The following TANC2 variants were observed in gnomAD, a reference collection of about 807,000 sequenced individuals.
TANC2 encodes tetratricopeptide repeat, ankyrin repeat and coiled-coil containing 2, also known as protein TANC2.
TANC2 carries 26 observed loss-of-function variants against 210.5 expected under a neutral mutation model. The observed-to-expected ratio is 0.12, with a 90% CI of 0.09 to 0.17. The LOEUF is 0.17. Among genes scored for constraint, TANC2 ranks in the 10% least tolerant of loss-of-function variants. The pLI is 1.00. For synonymous variants in TANC2, 931 were observed against 967.1 expected, an observed-to-expected ratio of 0.96 and a Z score of 0.69; for missense variants, 2,129 against 2,608.9, an observed-to-expected ratio of 0.82 and a Z score of 4.01.
intron 6 of TANC2, among the ~76,000 whole-genome samples, 158 bp from the exon 7 acceptor site, chr17:63,200,613 C>G (rs768960309): frequency 1.8e-4 from 28 of 151,746 alleles, no homozygotes; most frequent in African/African-American, 7.3e-5. Flanking sequence ...TTTGTAGACC[C>G]CAAAGTCCTT....
intron 5 of TANC2, among the ~76,000 whole-genome samples, chr17:63,187,662 C>T (rs1350911710): frequency 6.6e-6 from 1 of 151,820 alleles, no homozygotes; most frequent in South Asian, 2.1e-4. Flanking sequence ...CCCACAGATA[C>T]AAGAAGTTCA....
At chr17:63,019,346 T>C (rs2034250253) in intron 2 of TANC2, among the ~76,000 whole-genome samples, 1 of 107,340 alleles carries the variant, frequency 9.3e-6, no homozygotes, top group Admixed American at 8.4e-5. Flanking sequence ...GCCGCCTGAG[T>C]ACCTGGGATT....
rs534493340 is a variant in TANC2 at position 63,408,393 on chromosome 17, T to C, written c.3589+2116T>C. 5.3e-5 allele frequency among the ~76,000 whole-genome samples: 8 copies of C among 152,354 alleles called. No individual in the cohort carries two copies. In the East Asian group the frequency reaches 1.5e-3, roughly 29 times the overall value. ...GATTTTGGAAGTATTTAACATATTA[T>C]GGATTTGTTTCATGTGTATCTCCTT... On this transcript the variant is annotated intron_variant, in intron 21 of 27. Coordinates refer to ENST00000689528, the Ensembl canonical transcript of TANC2.
intron 5 of TANC2, among the ~76,000 whole-genome samples, chr17:63,165,536 G>A (rs9895619): frequency 0.6 from 90,987 of 152,044 alleles, 29,719 homozygotes; most frequent in African/African-American, 0.86. Flanking sequence ...CCCATTACCC[G>A]GTCTGTACTG....
intron 12 of TANC2, among the ~76,000 whole-genome samples, chr17:63,342,337 G>A (rs1567933385): frequency 6.6e-6 from 1 of 151,948 alleles, no homozygotes; most frequent in Non-Finnish European, 1.5e-5. Flanking sequence ...TTGAAATTAG[G>A]AACTTTGTAA....
At chr17:63,002,618 C>G (rs1418507210) in intron 1 of TANC2, among the ~76,000 whole-genome samples, 1 of 152,136 alleles carries the variant, frequency 6.6e-6, no homozygotes, top group East Asian at 1.9e-4. Context: ...TTACCATCAT[C>G]CTAGAAAGGT....
At position 63,421,326 on chromosome 17, in the gene TANC2, T is replaced by C; in HGVS notation, c.5596T>C (p.Phe1866Leu). 6.2e-7 allele frequency: 1 copy of C among 1,614,026 alleles called. No individual in the cohort carries two copies. The highest frequency in any genetic ancestry group is 8.5e-7 in the Non-Finnish European group (1 of 1,179,892). The change falls in exon 28 of 28, where the codon TTC becomes CTC. Residue 1866 changes from phenylalanine to leucine, a missense_variant. Physicochemically the swap from Phe to Leu is conservative, Grantham distance 22. Around this residue, in one of 5 missense-constraint regions of TANC2, gnomAD observed 584 missense variants for 627.3 expected, o/e 0.93. Coordinates refer to ENST00000689528, the Ensembl canonical transcript of TANC2. This position sits in a 1 kb window ranked among gnomAD's most constrained non-coding sequence, Gnocchi z 6.9. ...GCATTCCCAAAGTGTAGGCCTTCGC[T>C]TCTCTCCATCTAGCAATAGTATCTC...
chr17:63,151,128 C>A (rs1375950400), intron 4 of TANC2, 142 bp from the exon 5 acceptor site: 1 of 173,694 alleles, frequency 5.8e-6, no homozygotes, highest in East Asian at 1.9e-4. Context: ...CTGTTGCCTG[C>A]TGTTCCCCTT....
At chr17:63,002,347 A>G (rs1191826150) in intron 1 of TANC2, among the ~76,000 whole-genome samples, 2 of 152,196 alleles carry the variant, frequency 1.3e-5, no homozygotes, top group Non-Finnish European at 2.9e-5. Context: ...TACATTTTAA[A>G]TAGTTTTAGT....
At chr17:63,399,111 CTT>C (rs1310144272) in intron 19 of TANC2, 197 bp downstream of exon 19, 5 of 376,208 alleles carry the variant, frequency 1.3e-5, no homozygotes, top group South Asian at 7.7e-5. Context: ...TCTCCATACT[CTT>C]TGCACCAGAG....
chr17:63,221,405 T>C (rs879614943), intron 7 of TANC2, among the ~76,000 whole-genome samples: 37 of 140,236 alleles, frequency 2.6e-4, no homozygotes, highest in Non-Finnish European at 5.1e-4. Context: ...ATCATGCCAC[T>C]GCACTCTAGC....
intron 8 of TANC2, among the ~76,000 whole-genome samples, chr17:63,258,159 C>A (rs908674303): frequency 3.9e-5 from 6 of 152,080 alleles, no homozygotes; most frequent in Admixed American, 1.3e-4. Flanking sequence ...TTCTCATCAG[C>A]ACTTTAAATA....
intron 15 of TANC2, among the ~76,000 whole-genome samples, chr17:63,381,828 T>C (rs1234396315): frequency 6.6e-6 from 1 of 152,212 alleles, no homozygotes; most frequent in Non-Finnish European, 1.5e-5. Flanking sequence ...CTAAACAGTT[T>C]TGTAAATTTA....
At chr17:63,407,038 T>C (rs1055070994) in intron 21 of TANC2, among the ~76,000 whole-genome samples, 9 of 152,220 alleles carry the variant, frequency 5.9e-5, no homozygotes, top group African/African-American at 2.2e-4. Flanking sequence ...CACAAGCACA[T>C]GTACTTTCCT....
At chr17:63,252,088 A>G (rs1334925984) in intron 8 of TANC2, among the ~76,000 whole-genome samples, 1 of 152,202 alleles carries the variant, frequency 6.6e-6, no homozygotes, top group Non-Finnish European at 1.5e-5. Flanking sequence ...AGATTTTTTG[A>G]TACAAAAATT....
At chr17:63,375,393 T>TC (rs1227793746) in intron 14 of TANC2, among the ~76,000 whole-genome samples, 1 of 152,232 alleles carries the variant, frequency 6.6e-6, no homozygotes. Context: ...AATGCAGACA[T>TC]CTCACCAGCA....
At chr17:63,360,278 A>G (rs1598939349) in intron 14 of TANC2, among the ~76,000 whole-genome samples, 1 of 152,216 alleles carries the variant, frequency 6.6e-6, no homozygotes, top group Non-Finnish European at 1.5e-5. Context: ...CCTGATAGCC[A>G]TTGCAGGCTC....
chr17:63,420,667 T>A lies in TANC2; in HGVS notation c.4937T>A (p.Val1646Glu). Residue 1646 changes from valine (V) to glutamate (E), a missense_variant, in exon 28 of 28, where the codon GTG becomes GAG. Val to Glu is a moderately radical substitution (Grantham distance 121). This residue lies in a region of TANC2 where 584 missense variants were observed against 627.3 expected (regional missense o/e 0.93). Transcript: ENST00000689528. This position sits in a 1 kb window ranked among gnomAD's most constrained non-coding sequence, Gnocchi z 4.2. ...TATAGATCCCAGTCTGGTTCACCCG[T>A]GCGCTATCAGCAGGAAACAAGCGTC... is the stretch of plus-strand genomic sequence containing the variant. 1 of 1,613,706 alleles carries A rather than the reference T, an allele frequency of 6.2e-7. No individual in the cohort carries two copies. Among genetic ancestry groups the A allele is most frequent in the Non-Finnish European group, 8.5e-7 (1 of 1,179,746 alleles).
chr17:63,287,080 C>T (rs2146390418), intron 9 of TANC2, among the ~76,000 whole-genome samples: 1 of 152,146 alleles, frequency 6.6e-6, no homozygotes, highest in Middle Eastern at 3.4e-3. Context: ...TTACACCCAG[C>T]CGCCACCACA....
Sources: allele counts gnomAD v4.1 joint callset (sites outside exome capture counted in the v4.1 genomes callset), GRCh38; gene constraint gnomAD v4.1.1; regional missense constraint gnomAD v4.1.1; non-coding constraint Gnocchi (gnomAD v3.1); transcripts MANE v1.5; gene names NCBI Gene and HGNC (gene_info 2026-07-23, HGNC 2026-07-21).